The following SLC6A2 variants were observed in gnomAD, a reference collection of about 807,000 sequenced individuals.
The protein encoded by SLC6A2 is sodium-dependent noradrenaline transporter.
In SLC6A2, 26 loss-of-function variants were observed where a neutral mutation model predicts 71.7. The ratio of observed to expected loss-of-function variants is 0.36; its 90% confidence interval spans 0.27 to 0.50. The LOEUF is 0.50. Ranked by LOEUF, SLC6A2 falls within the 20% of genes least tolerant of loss-of-function variation. SLC6A2 has a pLI of 0.96. For missense variants in SLC6A2, 581 were observed against 803.9 expected, an observed-to-expected ratio of 0.72 and a Z score of 3.35; for synonymous variants, 363 against 337.9, an observed-to-expected ratio of 1.07 and a Z score of -0.82.
At chr16:55,692,096 A>G in intron 6 of SLC6A2, 44 bp downstream of exon 6, 1 of 1,610,652 alleles carries the variant, frequency 6.2e-7, no homozygotes. Context: ...GGCTTGTGGG[A>G]GGGTTTTCAG....
intron 2 of SLC6A2, among the ~76,000 whole-genome samples, chr16:55,664,115 G>A (rs1532701): frequency 0.53 from 80,862 of 151,964 alleles, 21,600 homozygotes; most frequent in South Asian, 0.6. Flanking sequence ...AGGCAAACAC[G>A]TGGAGGTTCC....
In SLC6A2 at chr16:55,656,437, G is replaced by T; in HGVS notation, c.-51-207G>T. Reference sequence around the variant, plus strand: ...CAGGGTCTTCAGCCGCCCCCAGAGGGCTGTCAGAAGTCTCCAACTCTTGAG... The same window carrying T: ...CAGGGTCTTCAGCCGCCCCCAGAGGTCTGTCAGAAGTCTCCAACTCTTGAG... On this transcript the variant is annotated intron_variant, in intron 1 of 14. Transcript: ENST00000568943. The surrounding 1 kb of genome is among the most constrained non-coding windows in gnomAD (Gnocchi z 4.5). 1.7e-6 allele frequency: 1 copy of T among 572,042 alleles called. No individual in the cohort carries two copies. The highest frequency in any genetic ancestry group is 3.1e-6 in the Non-Finnish European group (1 of 319,392). The allele number at this position is 572,042 out of a possible 1,614,324, so 35.4% of individuals were successfully genotyped here.
intron 2 of SLC6A2, among the ~76,000 whole-genome samples, chr16:55,658,328 A>G (rs1246597594): frequency 6.6e-6 from 1 of 152,178 alleles, no homozygotes; most frequent in African/African-American, 2.4e-5. Flanking sequence ...CCTGGGCAAC[A>G]TGGTGAGACC....
chr16:55,688,228 G>T (rs1382292092), intron 5 of SLC6A2, among the ~76,000 whole-genome samples: 3 of 152,206 alleles, frequency 2.0e-5, no homozygotes, highest in Non-Finnish European at 4.4e-5. Context: ...TTCTTAGCAG[G>T]CTTCCATAGC....
At chr16:55,702,251 G>A in intron 14 of SLC6A2, 72 bp from the exon 15 acceptor site, 1 of 1,459,812 alleles carries the variant, frequency 6.9e-7, no homozygotes, top group Non-Finnish European at 9.6e-7. Context: ...ACCTCCTGCT[G>A]CCCCCGCCAG....
chr16:55,685,035 G>A, intron 4 of SLC6A2, 108 bp from the exon 5 acceptor site: 1 of 1,104,388 alleles, frequency 9.1e-7, no homozygotes, highest in African/African-American at 1.5e-5. Flanking sequence ...AGAGTGGCCA[G>A]GTCCTGTCTC....
chr16:55,682,142 G>A (rs923988392), intron 4 of SLC6A2, among the ~76,000 whole-genome samples: 8 of 152,272 alleles, frequency 5.3e-5, no homozygotes, highest in Admixed American at 3.3e-4. Context: ...CCTGACCTCA[G>A]GTGATCCGCC....
At chr16:55,697,442 C>T (rs545346374) in intron 9 of SLC6A2, among the ~76,000 whole-genome samples, 1 of 152,304 alleles carries the variant, frequency 6.6e-6, no homozygotes, top group South Asian at 2.1e-4. Flanking sequence ...TTTGCTTGAT[C>T]ATTAGAAAGG....
At chr16:55,702,192 C>G in intron 14 of SLC6A2, 131 bp from the exon 15 acceptor site, 1 of 954,834 alleles carries the variant, frequency 1.0e-6, no homozygotes, top group South Asian at 1.3e-5. Context: ...TCAACTTGCA[C>G]GTTCCCTGAG....
intron 5 of SLC6A2, among the ~76,000 whole-genome samples, chr16:55,688,000 C>T (rs545164705): frequency 5.3e-5 from 8 of 152,204 alleles, no homozygotes; most frequent in African/African-American, 1.7e-4. Flanking sequence ...ATGTGTCATC[C>T]GAAACCACAG....
Position 55,705,324 on chromosome 16 carries a change from G to A in SLC6A2, c.*2978G>A. ...TCTCAAAAGGAGTTACCGCTCAGCT[G>A]GGAGCCAGTTCCTGCTATATGATCT... On this transcript the variant is annotated 3_prime_UTR_variant, in exon 15 of 15. Coordinates refer to ENST00000568943, the MANE Select transcript of SLC6A2 (RefSeq NM_001172501.3). The A allele has an allele frequency of 1.5e-6, 2 of 1,306,812 alleles. No individual in the cohort carries two copies. Among genetic ancestry groups the A allele is most frequent in the Non-Finnish European group, 2.1e-6 (2 of 942,468 alleles). 81.0% of individuals were successfully genotyped at this position (1,306,812 alleles called of 1,614,324 possible). A position where few individuals can be genotyped will look rare whatever the true frequency, so the allele number is the denominator to read the frequency against.
Position 55,702,348 on chromosome 16 carries a change from C to G in SLC6A2, c.*2C>G. 6.2e-7 allele frequency: 1 copy of G among 1,614,190 alleles called. No individual in the cohort carries two copies. Among genetic ancestry groups the G allele is most frequent in the Admixed American group, 1.7e-5 (1 of 60,024 alleles). On this transcript the variant is annotated 3_prime_UTR_variant, in exon 15 of 15. Transcript: ENST00000568943. ...TTGCAACACTGGCTGGCCATCTGAG[C>G]CTGCCTGGAGGAGAAGGAGGAACCC...
chr16:55,697,744 G>A (rs768344004), intron 9 of SLC6A2, among the ~76,000 whole-genome samples, 153 bp from the exon 10 acceptor site: 1 of 152,180 alleles, frequency 6.6e-6, no homozygotes, highest in Non-Finnish European at 1.5e-5. Flanking sequence ...TGTGACGAGA[G>A]GATGGGGAAG....
At chr16:55,675,795 T>G (rs1965068386) in intron 4 of SLC6A2, among the ~76,000 whole-genome samples, 1 of 152,108 alleles carries the variant, frequency 6.6e-6, no homozygotes, top group African/African-American at 2.4e-5. Flanking sequence ...AAAAACATAT[T>G]CACAAACAAC....
At chr16:55,685,122 C>A (rs1965408083) in intron 4 of SLC6A2, 21 bp from the exon 5 acceptor site, 1 of 1,613,794 alleles carries the variant, frequency 6.2e-7, no homozygotes, top group African/African-American at 1.3e-5. Context: ...ACCCTGGTCC[C>A]CTCCCCTCTC....
chr16:55,663,649 C>G (rs1156343861), intron 2 of SLC6A2, among the ~76,000 whole-genome samples: 2 of 152,202 alleles, frequency 1.3e-5, no homozygotes, highest in African/African-American at 4.8e-5. Flanking sequence ...ATCTGTCTAT[C>G]TATCTATCCA....
intron 4 of SLC6A2, among the ~76,000 whole-genome samples, chr16:55,673,177 T>C (rs1964976543): frequency 6.6e-6 from 1 of 152,248 alleles, no homozygotes; most frequent in Admixed American, 6.5e-5. Context: ...AATATTGATT[T>C]GAGTTTGTTT....
intron 2 of SLC6A2, among the ~76,000 whole-genome samples, chr16:55,659,124 G>A (rs982474308): frequency 1.3e-5 from 2 of 152,108 alleles, no homozygotes; most frequent in Admixed American, 6.5e-5. Context: ...TTGGCGTGAG[G>A]CACAATGCTA....
At chr16:55,662,371 T>C (rs1964632880) in intron 2 of SLC6A2, among the ~76,000 whole-genome samples, 1 of 152,204 alleles carries the variant, frequency 6.6e-6, no homozygotes, top group Admixed American at 6.5e-5. Context: ...ATTTACTAAA[T>C]GCCTATCATA....
Sources: allele counts gnomAD v4.1 joint callset (sites outside exome capture counted in the v4.1 genomes callset), GRCh38; gene constraint gnomAD v4.1.1; non-coding constraint Gnocchi (gnomAD v3.1); transcripts MANE v1.5; gene names NCBI Gene and HGNC (gene_info 2026-07-23, HGNC 2026-07-21).